The following EVC2 variants were observed in gnomAD, a reference collection of about 807,000 sequenced individuals.
The protein encoded by EVC2 is EvC ciliary complex subunit 2.
Under a neutral mutation model 149.3 loss-of-function variants are expected in EVC2, and 148 were observed. That is an observed-to-expected ratio of 0.99 (90% confidence interval 0.87 to 1.14). The LOEUF (loss-of-function observed/expected upper bound fraction) is 1.14, where lower values mean the gene tolerates loss of function less well. Ranked by LOEUF, EVC2 falls within the 50% of genes most tolerant of loss-of-function variation. EVC2 has a pLI of 0.00. For synonymous variants in EVC2, 776 were observed against 649.9 expected (o/e 1.19, Z -2.95); for missense variants, 1,854 against 1,627.3 (o/e 1.14, Z -2.40).
chr4:5,640,651 C>T lies in EVC2; in HGVS notation c.1333G>A (p.Glu445Lys). ...QFLLLENEIQ[E>K]EYDRKMVALT... Reference sequence around the variant, plus strand: ...GCCACCATCTTCCGATCGTACTCCTCTTGTATTTCATTTTCCAGCAATAGA... The same window carrying T: ...GCCACCATCTTCCGATCGTACTCCTTTTGTATTTCATTTTCCAGCAATAGA... The change falls in exon 10 of 22, where the codon GAG (glutamate) becomes AAG (lysine). Residue 445 changes from glutamate to lysine, a missense_variant. Glu to Lys is a moderately conservative substitution (Grantham distance 56, BLOSUM62 1). Transcript: ENST00000344408. The surrounding 1 kb of genome is among the most constrained non-coding windows in gnomAD (Gnocchi z 4.6). The T allele has an allele frequency of 6.2e-7, 1 of 1,614,138 alleles. No individual in the cohort carries two copies. Among genetic ancestry groups the T allele is most frequent in the Non-Finnish European group, 8.5e-7 (1 of 1,180,028 alleles).
At chr4:5,586,150 C>G (rs1209621234) in intron 16 of EVC2, among the ~76,000 whole-genome samples, 1 of 152,172 alleles carries the variant, frequency 6.6e-6, no homozygotes, top group African/African-American at 2.4e-5. Context: ...GCGTGAACCA[C>G]CATGCCCGAC....
At chr4:5,627,201 G>A (rs1716180688) in intron 12 of EVC2, among the ~76,000 whole-genome samples, 1 of 152,148 alleles carries the variant, frequency 6.6e-6, no homozygotes, top group Admixed American at 6.5e-5. Flanking sequence ...ACTCTCAAGG[G>A]AGGTTCCTTG....
chr4:5,650,642 G>T (rs56292563), intron 9 of EVC2, among the ~76,000 whole-genome samples: 1,696 of 84,462 alleles, frequency 0.02, 10 homozygotes, highest in Admixed American at 0.033. Context: ...TATATATAGA[G>T]AGAGAGAGAG....
chr4:5,620,024 C>A (rs1715566845), intron 14 of EVC2, among the ~76,000 whole-genome samples: 2 of 152,158 alleles, frequency 1.3e-5, no homozygotes, highest in African/African-American at 2.4e-5. Flanking sequence ...GGCTGTGGAT[C>A]TGCTAGAAAG....
At chr4:5,572,297 T>C (rs1272028674) in intron 19 of EVC2, among the ~76,000 whole-genome samples, 3 of 152,242 alleles carry the variant, frequency 2.0e-5, no homozygotes, top group Non-Finnish European at 4.4e-5. Flanking sequence ...TGCTATTGTT[T>C]GAACATTTGT....
At chr4:5,543,596 C>T (rs370700668) in intron 21 of EVC2, among the ~76,000 whole-genome samples, 7 of 151,842 alleles carry the variant, frequency 4.6e-5, no homozygotes, top group Admixed American at 6.6e-5. Flanking sequence ...GCCAGGGGGA[C>T]GAGGAAGAGA....
intron 7 of EVC2, among the ~76,000 whole-genome samples, chr4:5,680,726 A>G (rs1720283259): frequency 6.6e-6 from 1 of 152,260 alleles, no homozygotes; most frequent in South Asian, 2.1e-4. Context: ...CCACATAAGT[A>G]AATTGCTTAG....
chr4:5,617,835 C>T (rs4321576), intron 15 of EVC2, among the ~76,000 whole-genome samples: 18,523 of 152,068 alleles, frequency 0.12, 2,298 homozygotes, highest in African/African-American at 0.32. Flanking sequence ...GGAGGTCTCT[C>T]TAGGATCAAC....
chr4:5,635,028 GCTTT>G (rs1468203264), intron 10 of EVC2, among the ~76,000 whole-genome samples: 2 of 92,182 alleles, frequency 2.2e-5, no homozygotes, highest in Admixed American at 1.2e-4. Context: ...CAACAAATGT[GCTTT>G]TTTTTTTTTT....
chr4:5,550,148 G>T (rs967941946), intron 21 of EVC2, among the ~76,000 whole-genome samples: 2 of 152,148 alleles, frequency 1.3e-5, no homozygotes, highest in Non-Finnish European at 2.9e-5. Context: ...TACTGGGAGT[G>T]GGGTGCTGCT....
chr4:5,656,924 G>A (rs189674041), intron 9 of EVC2, among the ~76,000 whole-genome samples: 75 of 152,266 alleles, frequency 4.9e-4, no homozygotes, highest in African/African-American at 1.6e-3. Flanking sequence ...CTCTGGTTCC[G>A]GTACCAGGAT....
intron 7 of EVC2, among the ~76,000 whole-genome samples, 193 bp downstream of exon 7, chr4:5,681,067 G>A (rs1316364658): frequency 2.0e-5 from 3 of 152,216 alleles, no homozygotes; most frequent in African/African-American, 7.2e-5. Context: ...CAGGTGGAGG[G>A]TCATCCAGGG....
At chr4:5,655,196 C>A (rs1159564356) in intron 9 of EVC2, among the ~76,000 whole-genome samples, 1 of 152,192 alleles carries the variant, frequency 6.6e-6, no homozygotes, top group Non-Finnish European at 1.5e-5. Flanking sequence ...CCCGTCATGT[C>A]AGGTGCTGCG....
intron 4 of EVC2, 147 bp downstream of exon 4, chr4:5,691,118 C>A (rs1231242542): frequency 5.8e-6 from 4 of 691,134 alleles, no homozygotes; most frequent in African/African-American, 1.8e-5. Flanking sequence ...ATATCACAGA[C>A]CTTGCTATTT....
At chr4:5,537,488 C>T in the EVC2 span, among the ~76,000 whole-genome samples, 3 of 152,294 alleles carry the variant, frequency 2.0e-5, no homozygotes, top group East Asian at 3.9e-4. Flanking sequence ...GGACTCAGAA[C>T]GATCTTGTCT....
At chr4:5,661,771 C>T (rs1013889101) in intron 9 of EVC2, among the ~76,000 whole-genome samples, 2 of 152,202 alleles carry the variant, frequency 1.3e-5, no homozygotes, top group Non-Finnish European at 2.9e-5. Flanking sequence ...GATTAAAAGC[C>T]TGGACCATGG....
Position 5,618,675 on chromosome 4 carries a change from A to T in EVC2, c.2509T>A (p.Cys837Ser), listed in dbSNP as rs2108833554. The change falls in exon 15 of 22, where the codon TGC (cysteine) becomes AGC (serine). Residue 837 changes from cysteine to serine, a missense_variant. Transcript: ENST00000344408. The surrounding 1 kb of genome is among the most constrained non-coding windows in gnomAD (Gnocchi z 4.4). ...RWEHLIFMKLCSSVFSLSEEE... is the reference protein window; with the variant it reads ...RWEHLIFMKLSSSVFSLSEEE... ...TCAGACAGGGAGAAGACTGAGGAGCAGAGCTTCCTGGGAGGAAGAACAGAG... is the reference window on the plus strand; with the variant it reads ...TCAGACAGGGAGAAGACTGAGGAGCTGAGCTTCCTGGGAGGAAGAACAGAG... 1 of 1,597,674 alleles carries T rather than the reference A, an allele frequency of 6.3e-7. No individual in the cohort carries two copies. The highest frequency in any genetic ancestry group is 1.3e-5 in the African/African-American group (1 of 74,618).
intron 15 of EVC2, among the ~76,000 whole-genome samples, chr4:5,617,439 C>T (rs999155722): frequency 8.5e-5 from 13 of 152,318 alleles, no homozygotes; most frequent in African/African-American, 3.1e-4. Context: ...TTGCACACAT[C>T]TGGTGCTTGG....
At chr4:5,705,634 C>T (rs1722083400) in intron 1 of EVC2, among the ~76,000 whole-genome samples, 1 of 152,054 alleles carries the variant, frequency 6.6e-6, no homozygotes, top group African/African-American at 2.4e-5. Context: ...TTGCAAACCT[C>T]ATCTATGTCT....
Sources: allele counts gnomAD v4.1 joint callset (sites outside exome capture counted in the v4.1 genomes callset), GRCh38; gene constraint gnomAD v4.1.1; non-coding constraint Gnocchi (gnomAD v3.1); transcripts MANE v1.5; gene names NCBI Gene and HGNC (gene_info 2026-07-23, HGNC 2026-07-21).